ANKRD28: variants seen among roughly 807,000 people sequenced by gnomAD.
The protein encoded by ANKRD28 is ankyrin repeat domain 28, also known as serine/threonine-protein phosphatase 6 regulatory ankyrin repeat subunit A.
A neutral mutation model predicts 126.5 loss-of-function variants in ANKRD28; 44 were observed. That is an observed-to-expected ratio of 0.35 (90% CI 0.27 to 0.45). The LOEUF (loss-of-function observed/expected upper bound fraction) is 0.45. Ranked by LOEUF, ANKRD28 falls within the 20% of genes least tolerant of loss-of-function variation. The pLI is 1.00. For synonymous variants in ANKRD28, 442 were observed against 468.5 expected, an observed-to-expected ratio of 0.94 and a Z score of 0.73; for missense variants, 1,110 against 1,316.6, an observed-to-expected ratio of 0.84 and a Z score of 2.43.
At chr3:15,711,569 C>G (rs748974008) in intron 11 of ANKRD28, among the ~76,000 whole-genome samples, 1 of 152,122 alleles carries the variant, frequency 6.6e-6, no homozygotes, top group Non-Finnish European at 1.5e-5. Flanking sequence ...AGGAACTGTT[C>G]AGAACAGGCA....
At chr3:15,728,212 AAAAAC>A in intron 6 of ANKRD28, among the ~76,000 whole-genome samples, 1 of 152,234 alleles carries the variant, frequency 6.6e-6, no homozygotes, top group South Asian at 2.1e-4. Context: ...ATAAAAAAGA[AAAAAC>A]AAAGACATGT....
intron 2 of ANKRD28, among the ~76,000 whole-genome samples, chr3:15,767,239 A>G (rs1473594768): frequency 1.3e-5 from 2 of 152,206 alleles, no homozygotes; most frequent in African/African-American, 4.8e-5. Context: ...GTAATGTCAC[A>G]TTCAGGGATT....
chr3:15,679,321 G>A lies in ANKRD28; in HGVS notation c.2541C>T (p.Asn847=), dbSNP rs769016107. The change falls in exon 23 of 28, where the codon AAC becomes AAT. Residue 847 remains asparagine, a synonymous_variant. Transcript: ENST00000683139. ...LIDTLGASIV[N]ATDSKGRTPL... is the part of the protein sequence containing the mutation. ...CCTACCTTCCTTTTGAATCTGTGGCGTTCACAATGCTGGCACCTAATGTAT... is the reference window on the plus strand; with the variant it reads ...CCTACCTTCCTTTTGAATCTGTGGCATTCACAATGCTGGCACCTAATGTAT... The A allele has an allele frequency of 1.5e-5, 25 of 1,613,764 alleles. No individual in the cohort carries two copies. The highest frequency in any genetic ancestry group is 6.6e-5 in the South Asian group (6 of 91,078).
At chr3:15,748,102 A>G (rs6774698) in intron 4 of ANKRD28, among the ~76,000 whole-genome samples, 6 of 152,170 alleles carry the variant, frequency 3.9e-5, no homozygotes, top group Non-Finnish European at 8.8e-5. Flanking sequence ...AGGTGAGTCT[A>G]CTGAAGACAG....
intron 27 of ANKRD28, among the ~76,000 whole-genome samples, chr3:15,674,604 A>T (rs1224525676): frequency 2.6e-5 from 4 of 152,190 alleles, no homozygotes; most frequent in African/African-American, 9.7e-5. Context: ...TAAATCTGGG[A>T]ATCCTCAGCA....
In ANKRD28 at chr3:15,796,952, C is replaced by T; in HGVS notation, c.-431G>A. The T allele has an allele frequency of 2.0e-6, 2 of 985,514 alleles. No homozygotes were observed. Among genetic ancestry groups the T allele is most frequent in the Non-Finnish European group, 2.4e-6 (2 of 830,030 alleles). 61.0% of individuals were successfully genotyped at this position (985,514 alleles called of 1,614,324 possible). Reference sequence around the variant, plus strand: ...ATGAAATGAGAAACAACTGCTGTGACAGAGATGATCACAGCGATACCCACT... The same window carrying T: ...ATGAAATGAGAAACAACTGCTGTGATAGAGATGATCACAGCGATACCCACT... On this transcript the variant is annotated 5_prime_UTR_variant, in exon 1 of 28. Transcript: ENST00000683139.
At chr3:15,733,506 T>A (rs963407610) in intron 6 of ANKRD28, 1 of 152,242 alleles carries the variant, frequency 6.6e-6, no homozygotes, top group Non-Finnish European at 1.5e-5. Context: ...TGAAGGCACT[T>A]TAATATTTTC....
chr3:15,676,243 C>T (rs1033556879), intron 26 of ANKRD28: 4 of 368,068 alleles, frequency 1.1e-5, no homozygotes, highest in African/African-American at 2.1e-5. Flanking sequence ...TACCTTCACC[C>T]AATCCTTTTG....
In ANKRD28 at chr3:15,815,486, T is replaced by C. The variant is rs914994702; in HGVS notation, c.28-20180A>G. On this transcript the variant is annotated intron_variant, in intron 1 of 27. Transcript: ENST00000399451. The surrounding 1 kb of genome is among the most constrained non-coding windows in gnomAD (Gnocchi z 4.1). ...TAATTTTTTAATTTGTTTGTAGAGA[T>C]GGGGTCTCATTATGTTGCCTAGGCT... Among the ~76,000 whole-genome samples the C allele has an allele frequency of 6.6e-6, 1 of 152,094 alleles. No individual in the cohort carries two copies. Among genetic ancestry groups the C allele is most frequent in the African/African-American group, 2.4e-5 (1 of 41,418 alleles).
At chr3:15,834,854 G>C (rs2061288349) in intron 1 of ANKRD28, among the ~76,000 whole-genome samples, 2 of 152,266 alleles carry the variant, frequency 1.3e-5, no homozygotes, top group South Asian at 4.1e-4. Flanking sequence ...TCCCTGTTAT[G>C]TCACAAGTAA....
chr3:15,847,543 T>C (rs2061554775), intron 1 of ANKRD28, among the ~76,000 whole-genome samples: 1 of 152,152 alleles, frequency 6.6e-6, no homozygotes, highest in South Asian at 2.1e-4. Flanking sequence ...CCTCAATATA[T>C]CCAAAACTGA....
rs1283890841 is a variant in ANKRD28, at chr3:15,668,056, C to A, written c.*2214G>T. Reference sequence around the variant, plus strand: ...TTCTCTTGGAGGACAGACCCAGGCCCAAAGACAGAAGTTACCGGGAGGGAG... The same window carrying A: ...TTCTCTTGGAGGACAGACCCAGGCCAAAAGACAGAAGTTACCGGGAGGGAG... On this transcript the variant is annotated 3_prime_UTR_variant, in exon 28 of 28. Transcript: ENST00000683139. 6.6e-6 allele frequency: 1 copy of A among 152,234 alleles called. No homozygotes were observed. Among genetic ancestry groups the A allele is most frequent in the Non-Finnish European group, 1.5e-5 (1 of 68,080 alleles). 9.4% of individuals were successfully genotyped at this position (152,234 alleles called of 1,614,324 possible).
chr3:15,721,191 A>G (rs1024818331), intron 7 of ANKRD28, 64 bp from the exon 8 acceptor site: 3 of 1,411,168 alleles, frequency 2.1e-6, no homozygotes, highest in Non-Finnish European at 2.9e-6. Flanking sequence ...GTTGTGAGCT[A>G]TTTTAGCAAC....
chr3:15,745,836 C>T (rs190077810), intron 4 of ANKRD28, among the ~76,000 whole-genome samples: 160 of 152,250 alleles, frequency 1.1e-3, no homozygotes, highest in Middle Eastern at 3.4e-3. Flanking sequence ...TTCTACCCAT[C>T]CATGAGCATG....
chr3:15,782,317 A>AT (rs1053223401), intron 2 of ANKRD28, among the ~76,000 whole-genome samples: 2 of 152,156 alleles, frequency 1.3e-5, no homozygotes, highest in Admixed American at 6.6e-5. Flanking sequence ...AATTATTCGG[A>AT]TATTTTAAAA....
At chr3:15,727,587 A>AAAAAAG (rs1553609265) in intron 6 of ANKRD28, among the ~76,000 whole-genome samples, 2 of 110,364 alleles carry the variant, frequency 1.8e-5, no homozygotes, top group East Asian at 2.5e-4. Context: ...AAAAAAAAAA[A>AAAAAAG]AAAGAAAGAA....
intron 6 of ANKRD28, among the ~76,000 whole-genome samples, chr3:15,728,075 T>A (rs2074311737): frequency 6.6e-6 from 1 of 152,188 alleles, no homozygotes; most frequent in African/African-American, 2.4e-5. Flanking sequence ...ATCCAAACCT[T>A]CAGCAACCAT....
intron 14 of ANKRD28, among the ~76,000 whole-genome samples, chr3:15,698,033 G>C (rs2069928531): frequency 6.6e-6 from 1 of 152,018 alleles, no homozygotes; most frequent in South Asian, 2.1e-4. Flanking sequence ...GGTGTTTATA[G>C]TATTCTCTGA....
In ANKRD28 at chr3:15,713,458, T is replaced by C; in HGVS notation, c.1190+69A>G. 6 of 1,204,128 alleles carry C rather than the reference T, an allele frequency of 5.0e-6. No homozygotes were observed. In the South Asian group the frequency reaches 8.2e-5, roughly 16 times the overall value. 74.6% of individuals were successfully genotyped at this position (1,204,128 alleles called of 1,614,324 possible). A position where few individuals can be genotyped will look rare whatever the true frequency, so the allele number is the denominator to read the frequency against. The stretch of plus-strand genomic sequence containing the variant: ...AATCCACATTTCCACGTGAAATGTC[T>C]AGAAAACTGCAGTTCACTTCCCTTT... On this transcript the variant is annotated intron_variant, in intron 10 of 27. Transcript: ENST00000683139.
Sources: allele counts gnomAD v4.1 joint callset (sites outside exome capture counted in the v4.1 genomes callset), GRCh38; gene constraint gnomAD v4.1.1; non-coding constraint Gnocchi (gnomAD v3.1); transcripts MANE v1.5; gene names NCBI Gene and HGNC (gene_info 2026-07-23, HGNC 2026-07-21).